Variants in VTA1 observed in about 807,000 individuals in gnomAD.
VTA1 encodes the protein vacuolar protein sorting-associated protein VTA1 homolog.
A neutral mutation model predicts 36.9 loss-of-function variants in VTA1; 24 were observed. That is an observed-to-expected ratio of 0.65 (90% CI 0.47 to 0.91). VTA1 has a LOEUF of 0.91. Among genes scored for constraint, VTA1 ranks in the 40% least tolerant of loss-of-function variants. The pLI, the probability that VTA1 is intolerant of heterozygous loss-of-function variation, is 0.00. For synonymous variants in VTA1, 142 were observed against 130.2 expected, an observed-to-expected ratio of 1.09 and a Z score of -0.62; for missense variants, 393 against 377.2, an observed-to-expected ratio of 1.04 and a Z score of -0.35.
chr6:142,185,987 G>T (rs1021148429), intron 4 of VTA1, among the ~76,000 whole-genome samples: 2 of 152,072 alleles, frequency 1.3e-5, no homozygotes, highest in Non-Finnish European at 2.9e-5. Context: ...GTGTTTTGAG[G>T]GTCTGGGAGG....
At chr6:142,216,552 G>A (rs1437192389) in intron 7 of VTA1, among the ~76,000 whole-genome samples, 1 of 151,710 alleles carries the variant, frequency 6.6e-6, no homozygotes, top group Non-Finnish European at 1.5e-5. Context: ...TACATAATTG[G>A]TTATGCATGT....
At chr6:142,187,801 A>T (rs937042367) in intron 4 of VTA1, among the ~76,000 whole-genome samples, 2 of 152,134 alleles carry the variant, frequency 1.3e-5, no homozygotes, top group Non-Finnish European at 2.9e-5. Context: ...AGCTGCCTGT[A>T]GTAGTATCTA....
Position 142,220,426 on chromosome 6 carries a change from G to C in VTA1, c.*1783G>C, listed in dbSNP as rs768520574. On this transcript the variant is annotated 3_prime_UTR_variant, in exon 8 of 8. Transcript: ENST00000367630. The stretch of plus-strand genomic sequence containing the variant: ...GGGAAGGAGACAATATAGAAACTAC[G>C]GAGTCCGCTGGTAGTGGGCTGCATG... The C allele has an allele frequency of 6.6e-6, 1 of 152,100 alleles. No homozygotes were observed. Among genetic ancestry groups the C allele is most frequent in the Non-Finnish European group, 1.5e-5 (1 of 68,028 alleles). 9.4% of individuals were successfully genotyped at this position (152,100 alleles called of 1,614,324 possible). A position where few individuals can be genotyped will look rare whatever the true frequency, so the allele number is the denominator to read the frequency against.
intron 4 of VTA1, among the ~76,000 whole-genome samples, chr6:142,175,901 GTTATC>G (rs1478191919): frequency 2.1e-4 from 31 of 151,168 alleles, no homozygotes; most frequent in African/African-American, 6.8e-4. Context: ...CTATTTCTCA[GTTATC>G]TTATCTCTAT....
intron 7 of VTA1, among the ~76,000 whole-genome samples, chr6:142,217,166 G>A (rs987209342): frequency 2.0e-5 from 3 of 152,116 alleles, no homozygotes; most frequent in Non-Finnish European, 4.4e-5. Context: ...TCACAACAGT[G>A]AAGGCCAAAT....
At chr6:142,179,521 A>G (rs920809005) in intron 4 of VTA1, among the ~76,000 whole-genome samples, 2 of 152,142 alleles carry the variant, frequency 1.3e-5, no homozygotes, top group Non-Finnish European at 2.9e-5. Flanking sequence ...TAGATACAAA[A>G]AGGAACTGAC....
At position 142,147,351 on chromosome 6, in the gene VTA1, A is replaced by G; in HGVS notation, c.64A>G (p.Arg22Gly). ...AQFKSIQHHL[R>G]TAQEHDKRDP... ...GTTCAAGAGCATACAGCATCATCTG[A>G]GGACGGCTCAGGAGCATGACAAGCG... The change falls in exon 1 of 8, where the codon AGG becomes GGG. Residue 22 changes from arginine (R) to glycine (G), a missense_variant. Arg to Gly is a moderately radical substitution (Grantham distance 125). Transcript: ENST00000367630. 6.2e-7 allele frequency: 1 copy of G among 1,614,204 alleles called. No homozygotes were observed. The highest frequency in any genetic ancestry group is 1.3e-5 in the African/African-American group (1 of 75,074).
At chr6:142,155,494 C>G (rs1778646210) in intron 1 of VTA1, among the ~76,000 whole-genome samples, 1 of 152,076 alleles carries the variant, frequency 6.6e-6, no homozygotes, top group African/African-American at 2.4e-5. Context: ...TACAAAGCAT[C>G]TTTTATAACG....
At chr6:142,190,302 CAAGT>C (rs1775429427) in intron 5 of VTA1, among the ~76,000 whole-genome samples, 1 of 152,128 alleles carries the variant, frequency 6.6e-6, no homozygotes, top group Admixed American at 6.5e-5. Context: ...TACCAAAACT[CAAGT>C]AAGCATTTTT....
chr6:142,185,198 A>C (rs1336938770), intron 4 of VTA1, among the ~76,000 whole-genome samples: 1 of 152,122 alleles, frequency 6.6e-6, no homozygotes, highest in African/African-American at 2.4e-5. Flanking sequence ...AACAGGTTTA[A>C]TACTTCCTAC....
At chr6:142,201,119 T>C (rs767401572) in intron 6 of VTA1, among the ~76,000 whole-genome samples, 42 of 151,930 alleles carry the variant, frequency 2.8e-4, no homozygotes, top group Non-Finnish European at 5.5e-4. Context: ...ACTTTTCTGA[T>C]AGTATATTTC....
intron 6 of VTA1, among the ~76,000 whole-genome samples, chr6:142,202,954 TTAAG>T (rs1206140249): frequency 3.9e-5 from 6 of 151,974 alleles, no homozygotes; most frequent in Non-Finnish European, 5.9e-5. Context: ...TGGAAAACAA[TTAAG>T]TGAGGTAAAT....
At position 142,220,664 on chromosome 6, in the gene VTA1, T is replaced by G. The variant is rs1483653011; in HGVS notation, c.*2021T>G. ...CCCAGTTGTCTATGTGGCCCAGTGC[T>G]TAAAAACGCCTTCTTGCATGAGGGG... is the stretch of plus-strand genomic sequence containing the variant. On this transcript the variant is annotated 3_prime_UTR_variant, in exon 8 of 8. Transcript: ENST00000367630. The G allele has an allele frequency of 6.6e-6, 1 of 152,192 alleles. No individual in the cohort carries two copies. Among genetic ancestry groups the G allele is most frequent in the Admixed American group, 6.6e-5 (1 of 15,266 alleles). 9.4% of individuals were successfully genotyped at this position (152,192 alleles called of 1,614,324 possible). A position where few individuals can be genotyped will look rare whatever the true frequency, so the allele number is the denominator to read the frequency against.
intron 4 of VTA1, among the ~76,000 whole-genome samples, chr6:142,181,919 A>G (rs370816167): frequency 2.6e-5 from 4 of 152,228 alleles, no homozygotes; most frequent in African/African-American, 9.6e-5. Flanking sequence ...ATCTGTGACT[A>G]TAAATATTTC....
At chr6:142,194,940 CATTG>C (rs1437375899) in intron 5 of VTA1, among the ~76,000 whole-genome samples, 2 of 151,934 alleles carry the variant, frequency 1.3e-5, no homozygotes, top group Non-Finnish European at 2.9e-5. Context: ...ATATGAGTTA[CATTG>C]ATTGATTTTC....
intron 3 of VTA1, 86 bp from the exon 4 acceptor site, chr6:142,170,260 G>C: frequency 1.1e-6 from 1 of 932,160 alleles, no homozygotes. Flanking sequence ...TATAAAGATA[G>C]GAATTTTTTT....
chr6:142,179,222 A>G (rs1775179220), intron 4 of VTA1, among the ~76,000 whole-genome samples: 1 of 152,132 alleles, frequency 6.6e-6, no homozygotes, highest in Non-Finnish European at 1.5e-5. Context: ...TGGCCACATA[A>G]ATTGTTGTCT....
intron 5 of VTA1, among the ~76,000 whole-genome samples, chr6:142,191,695 C>G (rs1352356608): frequency 6.6e-6 from 1 of 152,134 alleles, no homozygotes; most frequent in Middle Eastern, 3.4e-3. Context: ...TTTTTCAACT[C>G]ATTAACTTAA....
intron 1 of VTA1, among the ~76,000 whole-genome samples, chr6:142,148,968 A>G (rs1778513582): frequency 6.6e-6 from 1 of 152,198 alleles, no homozygotes; most frequent in Non-Finnish European, 1.5e-5. Context: ...CCCTAAAGGA[A>G]ATTCCTGTTC....
Sources: allele counts gnomAD v4.1 joint callset (sites outside exome capture counted in the v4.1 genomes callset), GRCh38; gene constraint gnomAD v4.1.1; transcripts MANE v1.5; gene names NCBI Gene and HGNC (gene_info 2026-07-23, HGNC 2026-07-21).